RALYL: variants seen among roughly 807,000 people sequenced by gnomAD.
The protein encoded by RALYL is RALY RNA binding protein like, also known as RNA-binding Raly-like protein.
RALYL carries 29 observed loss-of-function variants against 35.1 expected under a neutral mutation model. That is an observed-to-expected ratio of 0.83 (90% CI 0.61 to 1.13). The LOEUF is 1.13. Among genes scored for constraint, RALYL ranks in the 50% most tolerant of loss-of-function variants. RALYL has a pLI of 0.00. For synonymous variants in RALYL, 120 were observed against 127.6 expected, an observed-to-expected ratio of 0.94 and a Z score of 0.40; for missense variants, 359 against 360.4, an observed-to-expected ratio of 1.00 and a Z score of 0.03.
intron 1 of RALYL, among the ~76,000 whole-genome samples, chr8:84,404,323 C>G (rs1563861851): frequency 6.6e-6 from 1 of 151,974 alleles, no homozygotes; most frequent in Non-Finnish European, 1.5e-5. Context: ...ATAAATAGCT[C>G]TTATTATTTT....
chr8:84,238,357 G>A (rs984308149), intron 1 of RALYL, among the ~76,000 whole-genome samples: 3 of 149,604 alleles, frequency 2.0e-5, no homozygotes, highest in African/African-American at 7.6e-5. Context: ...ACATATATAT[G>A]TATATAGATT....
chr8:84,786,851 A>G (rs1819605102), intron 3 of RALYL, among the ~76,000 whole-genome samples: 1 of 152,124 alleles, frequency 6.6e-6, no homozygotes, highest in African/African-American at 2.4e-5. Flanking sequence ...CCATTTGTCA[A>G]TTTTGGCTTT....
At chr8:84,788,510 C>T (rs1256764011) in intron 3 of RALYL, among the ~76,000 whole-genome samples, 1 of 152,104 alleles carries the variant, frequency 6.6e-6, no homozygotes, top group Non-Finnish European at 1.5e-5. Context: ...ATGACTCATG[C>T]AGGCAATAGT....
At chr8:84,263,849 G>A (rs1049312696) in intron 1 of RALYL, among the ~76,000 whole-genome samples, 1 of 152,126 alleles carries the variant, frequency 6.6e-6, no homozygotes, top group Admixed American at 6.5e-5. Flanking sequence ...CCACTTATAA[G>A]TGAGAACATG....
At chr8:84,330,807 G>A (rs1388414) in intron 1 of RALYL, among the ~76,000 whole-genome samples, 7,205 of 152,118 alleles carry the variant, frequency 0.047, 264 homozygotes, top group African/African-American at 0.083. Flanking sequence ...AATCAATACA[G>A]TGGGTAATAA....
intron 1 of RALYL, among the ~76,000 whole-genome samples, chr8:84,208,455 A>G (rs1014940019): frequency 2.0e-5 from 3 of 152,026 alleles, no homozygotes; most frequent in African/African-American, 7.2e-5. Context: ...TTTTTTTTTA[A>G]CTAATCAGTA....
intron 2 of RALYL, among the ~76,000 whole-genome samples, chr8:84,706,661 TTC>T: frequency 6.6e-6 from 1 of 152,292 alleles, no homozygotes; most frequent in East Asian, 1.9e-4. Flanking sequence ...AAGGAACTGA[TTC>T]TGGCTGAAAA....
intron 2 of RALYL, among the ~76,000 whole-genome samples, chr8:84,755,423 C>T (rs557605958): frequency 5.8e-4 from 88 of 152,266 alleles, no homozygotes; most frequent in Non-Finnish European, 1.1e-3. Context: ...TTTAAATCTC[C>T]GTAGTCCCTT....
At chr8:84,548,674 T>C (rs2060517860) in intron 2 of RALYL, among the ~76,000 whole-genome samples, 1 of 152,220 alleles carries the variant, frequency 6.6e-6, no homozygotes, top group South Asian at 2.1e-4. Flanking sequence ...TTTAAATCAT[T>C]AGAATTCTCA....
chr8:84,534,742 A>T (rs1349337211), intron 2 of RALYL, among the ~76,000 whole-genome samples: 1 of 152,204 alleles, frequency 6.6e-6, no homozygotes, highest in Non-Finnish European at 1.5e-5. Flanking sequence ...AGTGGCAATT[A>T]CAAGTTCCCC....
rs987752030 is a variant in RALYL at position 84,811,047 on chromosome 8, C to T, written c.365+6245C>T. Among the ~76,000 whole-genome samples the T allele has an allele frequency of 3.6e-4, 55 of 151,986 alleles. 1 individual carries two copies. The Middle Eastern group carries it at 0.014, about 38-fold the overall frequency. ...CATTCATCATGCTATTTGTTGCCTG[C>T]GTACCTTGGTTTTGTTTTTTGTTTT... is the stretch of plus-strand genomic sequence containing the variant. On this transcript the variant is annotated intron_variant, in intron 4 of 8. Transcript: ENST00000521268.
intron 1 of RALYL, among the ~76,000 whole-genome samples, chr8:84,472,450 C>G (rs1041601545): frequency 6.6e-6 from 1 of 151,962 alleles, no homozygotes; most frequent in Admixed American, 6.6e-5. Context: ...GATTTGGACA[C>G]GCAAAGAGAA....
intron 1 of RALYL, among the ~76,000 whole-genome samples, chr8:84,347,006 C>T (rs565153000): frequency 2.1e-4 from 32 of 151,922 alleles, no homozygotes; most frequent in African/African-American, 6.3e-4. Flanking sequence ...AAGACCTGCC[C>T]GGCCAATGTG....
chr8:84,398,147 C>A (rs1563850482), intron 1 of RALYL, among the ~76,000 whole-genome samples: 1 of 152,136 alleles, frequency 6.6e-6, no homozygotes, highest in Admixed American at 6.5e-5. Context: ...GCTGCTGTTG[C>A]GACTTCAGCT....
At chr8:84,535,570 G>C (rs996208485) in intron 2 of RALYL, among the ~76,000 whole-genome samples, 13 of 146,114 alleles carry the variant, frequency 8.9e-5, no homozygotes, top group Admixed American at 4.2e-4. Flanking sequence ...TGAGTAGCTG[G>C]AGCTACAGGT....
At chr8:84,497,644 T>G (rs1364927676) in intron 1 of RALYL, among the ~76,000 whole-genome samples, 59 of 145,154 alleles carry the variant, frequency 4.1e-4, no homozygotes, top group African/African-American at 1.3e-3. Flanking sequence ...TTGTTTTTGT[T>G]TTTTTTTTTT....
At chr8:84,259,706 T>G (rs774666131) in intron 1 of RALYL, among the ~76,000 whole-genome samples, 12 of 152,202 alleles carry the variant, frequency 7.9e-5, no homozygotes, top group Non-Finnish European at 1.5e-4. Context: ...ACTGTTTATC[T>G]TTTTATCCCA....
At chr8:84,387,173 A>G (rs557651830) in intron 1 of RALYL, among the ~76,000 whole-genome samples, 25 of 151,930 alleles carry the variant, frequency 1.6e-4, no homozygotes, top group African/African-American at 6.0e-4. Context: ...TGGTAATAAA[A>G]CCAACAATAA....
chr8:84,680,130 T>C (rs28626063), intron 2 of RALYL, among the ~76,000 whole-genome samples: 6,540 of 152,210 alleles, frequency 0.043, 295 homozygotes, highest in African/African-American at 0.11. Flanking sequence ...GATAGTTTGC[T>C]GAGAATGATG....
Sources: gnomAD v4.1 joint callset for allele counts (sites outside exome capture counted in the v4.1 genomes callset) on GRCh38, gnomAD v4.1.1 for gene constraint, MANE v1.5 for transcripts, NCBI Gene and HGNC (gene_info 2026-07-23, HGNC 2026-07-21) for gene names.